The following GABRB3 variants were observed in gnomAD, a reference collection of about 807,000 sequenced individuals.
The protein encoded by GABRB3 is gamma-aminobutyric acid receptor subunit beta-3.
GABRB3 carries 14 observed loss-of-function variants against 52.1 expected under a neutral mutation model. The observed-to-expected ratio is 0.27, with a 90% CI of 0.18 to 0.42. The LOEUF (loss-of-function observed/expected upper bound fraction) is 0.42. GABRB3 is among the 10% of genes least tolerant of loss of function. The probability of loss-of-function intolerance (pLI) is 1.00; values close to 1 mark genes in which losing one functional copy is unlikely to be tolerated. For missense variants in GABRB3, 307 were observed against 609.1 expected (o/e 0.50, Z 5.22); for synonymous variants, 260 against 232.3 (o/e 1.12, Z -1.08).
At chr15:26,562,665 T>A (rs1434025969) in intron 7 of GABRB3, among the ~76,000 whole-genome samples, 1 of 152,198 alleles carries the variant, frequency 6.6e-6, no homozygotes, top group Non-Finnish European at 1.5e-5. Context: ...GGAGGCAGCA[T>A]CCTCATCCTC....
At chr15:26,664,710 T>TTG (rs1227836564) in intron 3 of GABRB3, among the ~76,000 whole-genome samples, 1 of 143,732 alleles carries the variant, frequency 7.0e-6, no homozygotes, top group African/African-American at 2.6e-5. Flanking sequence ...CTTTGTTTTT[T>TTG]TTTTTTTTTT....
chr15:26,688,103 G>C (rs1383253637), intron 3 of GABRB3, among the ~76,000 whole-genome samples: 6 of 152,158 alleles, frequency 3.9e-5, no homozygotes, highest in Admixed American at 3.9e-4. Flanking sequence ...CATTTGAGTG[G>C]AAAGCTCAAA....
At chr15:26,591,121 A>G (rs77865252) in intron 4 of GABRB3, among the ~76,000 whole-genome samples, 2,707 of 152,234 alleles carry the variant, frequency 0.018, 71 homozygotes, top group African/African-American at 0.056. Flanking sequence ...CCTGTGAGAG[A>G]GCCAGCCAGA....
intron 3 of GABRB3, among the ~76,000 whole-genome samples, chr15:26,659,521 C>CA (rs1481242757): frequency 6.6e-6 from 1 of 151,294 alleles, no homozygotes; most frequent in African/African-American, 2.4e-5. Flanking sequence ...GACTCTGGCT[C>CA]AAAAAAATAA....
intron 8 of GABRB3, among the ~76,000 whole-genome samples, chr15:26,548,660 C>T (rs966517914): frequency 3.3e-5 from 5 of 152,176 alleles, no homozygotes; most frequent in African/African-American, 1.2e-4. Context: ...CCAACCCCAA[C>T]TCAGGTAGGC....
chr15:26,690,113 T>TTTTTTC (rs1487572813), intron 3 of GABRB3, among the ~76,000 whole-genome samples: 1 of 151,186 alleles, frequency 6.6e-6, no homozygotes, highest in East Asian at 2.0e-4. Context: ...CGGATTTTTT[T>TTTTTTC]TTTTTTTTGA....
intron 3 of GABRB3, among the ~76,000 whole-genome samples, chr15:26,723,227 G>A (rs894535758): frequency 1.3e-5 from 2 of 152,116 alleles, no homozygotes; most frequent in African/African-American, 4.8e-5. Flanking sequence ...GTCTTTACAA[G>A]GTCACAATAT....
At chr15:26,632,632 G>T (rs143918925) in intron 3 of GABRB3, among the ~76,000 whole-genome samples, 2 of 152,286 alleles carry the variant, frequency 1.3e-5, no homozygotes, top group South Asian at 4.1e-4. Flanking sequence ...TAAGAGAGAT[G>T]CCCTTCACTA....
chr15:26,660,037 C>A (rs1330320876), intron 3 of GABRB3, among the ~76,000 whole-genome samples: 1 of 152,018 alleles, frequency 6.6e-6, no homozygotes, highest in African/African-American at 2.4e-5. Context: ...TGAGACCAAC[C>A]CGGCCAACAC....
intron 3 of GABRB3, chr15:26,624,970 C>T (rs955228238): frequency 2.5e-5 from 25 of 985,302 alleles, no homozygotes; most frequent in Non-Finnish European, 2.7e-5. Flanking sequence ...CCTGTGCTAC[C>T]TAGAACCTCA....
In GABRB3 at chr15:26,580,298, A is replaced by G. The variant is rs367563450; in HGVS notation, c.682+21T>C. The G allele has an allele frequency of 2.0e-5, 32 of 1,613,974 alleles. No homozygotes were observed. In the African/African-American group the frequency reaches 3.9e-4, roughly 20 times the overall value. ...TGGAGCCAGTGCCCCTGAAGGGACT[A>G]TAAGTGGATGCAGGACTCACCTGTG... On this transcript the variant is annotated intron_variant, in intron 6 of 8. Coordinates refer to ENST00000311550, the MANE Select transcript of GABRB3 (RefSeq NM_000814.6).
intron 8 of GABRB3, among the ~76,000 whole-genome samples, chr15:26,549,846 C>T (rs1356566356): frequency 1.3e-5 from 2 of 151,952 alleles, no homozygotes; most frequent in Non-Finnish European, 2.9e-5. Context: ...TGCCCCAAAC[C>T]CCAGTTCCAG....
At chr15:26,698,932 C>T (rs918693787) in intron 3 of GABRB3, among the ~76,000 whole-genome samples, 1 of 152,004 alleles carries the variant, frequency 6.6e-6, no homozygotes, top group African/African-American at 2.4e-5. Context: ...TGTTGAACCT[C>T]TATAATAGTG....
chr15:26,674,156 CT>C (rs369163746), intron 3 of GABRB3, among the ~76,000 whole-genome samples: 47 of 151,274 alleles, frequency 3.1e-4, no homozygotes, highest in African/African-American at 1.1e-3. Context: ...AATCCCAGCA[CT>C]TTGGGAGGCC....
intron 3 of GABRB3, among the ~76,000 whole-genome samples, chr15:26,739,372 A>C (rs1185302088): frequency 2.6e-5 from 4 of 152,008 alleles, no homozygotes; most frequent in Non-Finnish European, 5.9e-5. Flanking sequence ...AACTTCCCTA[A>C]AAATCCAGAC....
At chr15:26,664,594 T>C (rs542677863) in intron 3 of GABRB3, among the ~76,000 whole-genome samples, 1 of 152,144 alleles carries the variant, frequency 6.6e-6, no homozygotes, top group African/African-American at 2.4e-5. Flanking sequence ...GTTGCATATA[T>C]TTATGGGGTA....
intron 3 of GABRB3, among the ~76,000 whole-genome samples, chr15:26,753,810 TC>T (rs1381525285): frequency 1.2e-4 from 18 of 152,132 alleles, no homozygotes; most frequent in Admixed American, 1.2e-3. Flanking sequence ...GGGAGCAGCA[TC>T]TCTGTGAGAA....
chr15:26,743,540 A>G (rs1890263531), intron 3 of GABRB3, among the ~76,000 whole-genome samples: 1 of 152,212 alleles, frequency 6.6e-6, no homozygotes, highest in South Asian at 2.1e-4. Flanking sequence ...GAATAATGCC[A>G]GAGTATAGCT....
At position 26,545,021 on chromosome 15, in the gene GABRB3, G is replaced by C. The variant is rs1889175527; in HGVS notation, c.*2772C>G. The C allele has an allele frequency of 6.6e-6, 1 of 152,462 alleles. No homozygotes were observed. Among genetic ancestry groups the C allele is most frequent in the African/African-American group, 2.4e-5 (1 of 41,356 alleles). The allele number at this position is 152,462 out of a possible 1,614,324, so 9.4% of individuals were successfully genotyped here. A position where few individuals can be genotyped will look rare whatever the true frequency, so the allele number is the denominator to read the frequency against. On this transcript the variant is annotated 3_prime_UTR_variant, in exon 9 of 9. Transcript: ENST00000311550. The stretch of plus-strand genomic sequence containing the variant: ...AGAGACTCCAATTCAACTCTCTTCT[G>C]TTAACACAGTCAGAGTTCTCTTCTC...
Sources: allele counts gnomAD v4.1 joint callset (sites outside exome capture counted in the v4.1 genomes callset), GRCh38; gene constraint gnomAD v4.1.1; transcripts MANE v1.5; gene names NCBI Gene and HGNC (gene_info 2026-07-23, HGNC 2026-07-21).